SPOCK3: variants seen among roughly 807,000 people sequenced by gnomAD.
The protein encoded by SPOCK3 is testican-3.
SPOCK3 carries 30 observed loss-of-function variants against 56.6 expected under a neutral mutation model. That is an observed-to-expected ratio of 0.53 (90% CI 0.40 to 0.72). The LOEUF (loss-of-function observed/expected upper bound fraction) is 0.72, where lower values mean the gene tolerates loss of function less well. Among genes scored for constraint, SPOCK3 ranks in the 30% least tolerant of loss-of-function variants. SPOCK3 has a pLI of 0.00. For missense variants in SPOCK3, 527 were observed against 530.0 expected (o/e 0.99, Z 0.06); for synonymous variants, 196 against 183.3 (o/e 1.07, Z -0.56).
At chr4:167,138,330 A>AT (rs2150394303) in intron 2 of SPOCK3, among the ~76,000 whole-genome samples, 1 of 151,916 alleles carries the variant, frequency 6.6e-6, no homozygotes. Flanking sequence ...TATTTACTGA[A>AT]TTTTTGTCAC....
At chr4:166,853,306 TA>T (rs1430044531) in intron 6 of SPOCK3, among the ~76,000 whole-genome samples, 2 of 152,206 alleles carry the variant, frequency 1.3e-5, no homozygotes, top group Non-Finnish European at 2.9e-5. Flanking sequence ...TATTTTATTG[TA>T]AGAATAAGTA....
At chr4:167,195,507 C>T (rs1340102160) in intron 2 of SPOCK3, among the ~76,000 whole-genome samples, 1 of 152,140 alleles carries the variant, frequency 6.6e-6, no homozygotes, top group African/African-American at 2.4e-5. Context: ...CATCTGAGGG[C>T]ATAGACAGGC....
At chr4:166,946,094 C>T (rs1019943280) in intron 4 of SPOCK3, among the ~76,000 whole-genome samples, 1 of 151,930 alleles carries the variant, frequency 6.6e-6, no homozygotes, top group Non-Finnish European at 1.5e-5. Flanking sequence ...AACCATAGGC[C>T]CTGTTTATCT....
intron 2 of SPOCK3, among the ~76,000 whole-genome samples, chr4:167,110,778 A>C (rs1158475636): frequency 1.3e-5 from 2 of 152,052 alleles, no homozygotes; most frequent in African/African-American, 4.8e-5. Flanking sequence ...AATATAGTTA[A>C]ATATCTCTAA....
intron 6 of SPOCK3, among the ~76,000 whole-genome samples, chr4:166,839,405 A>G (rs571370088): frequency 1.3e-5 from 2 of 152,266 alleles, no homozygotes; most frequent in Non-Finnish European, 1.5e-5. Flanking sequence ...GGTGGTAGTG[A>G]AAGTCTTGAC....
chr4:166,907,824 A>C (rs1736792964), intron 5 of SPOCK3, among the ~76,000 whole-genome samples: 1 of 152,032 alleles, frequency 6.6e-6, no homozygotes, highest in Admixed American at 6.6e-5. Flanking sequence ...TGTAATAAGA[A>C]AGTATCCCCA....
intron 2 of SPOCK3, among the ~76,000 whole-genome samples, chr4:167,126,147 G>A (rs1762260285): frequency 6.6e-6 from 1 of 152,182 alleles, no homozygotes. Context: ...GCAACAGTCT[G>A]CCCAAACTCT....
chr4:166,978,540 G>A (rs1029369247), intron 4 of SPOCK3, among the ~76,000 whole-genome samples: 17 of 152,164 alleles, frequency 1.1e-4, no homozygotes, highest in Non-Finnish European at 1.5e-5. Context: ...AATACATGGA[G>A]AAAAGGAAGG....
intron 2 of SPOCK3, among the ~76,000 whole-genome samples, chr4:167,136,353 T>C (rs942423251): frequency 2.0e-5 from 3 of 152,146 alleles, no homozygotes; most frequent in Admixed American, 1.3e-4. Flanking sequence ...ATGAATGCTT[T>C]GAAATTTTTT....
intron 3 of SPOCK3, among the ~76,000 whole-genome samples, chr4:167,003,735 C>T (rs943060346): frequency 7.2e-5 from 11 of 152,166 alleles, no homozygotes; most frequent in African/African-American, 2.7e-4. Flanking sequence ...TTTCTTCATC[C>T]TAATCTCTAA....
chr4:166,837,915 A>G (rs574048090), intron 6 of SPOCK3, among the ~76,000 whole-genome samples: 1 of 152,172 alleles, frequency 6.6e-6, no homozygotes, highest in South Asian at 2.1e-4. Flanking sequence ...TGTTCCCTTA[A>G]TTCTTGAAAG....
chr4:167,212,263 G>T (rs1480831787), intron 2 of SPOCK3, among the ~76,000 whole-genome samples: 2 of 151,304 alleles, frequency 1.3e-5, no homozygotes, highest in African/African-American at 4.9e-5. Context: ...TTGAAACAGA[G>T]TTTCTTTCAC....
intron 2 of SPOCK3, among the ~76,000 whole-genome samples, chr4:167,064,188 C>G (rs1191083889): frequency 3.3e-5 from 5 of 151,484 alleles, no homozygotes; most frequent in Non-Finnish European, 7.4e-5. Flanking sequence ...TCTGTAATTG[C>G]ACCCCACCAA....
At chr4:166,966,493 C>CT (rs1021697785) in intron 4 of SPOCK3, among the ~76,000 whole-genome samples, 2 of 152,088 alleles carry the variant, frequency 1.3e-5, no homozygotes, top group Non-Finnish European at 2.9e-5. Context: ...CTTCTGATTT[C>CT]TTTATGCAGA....
chr4:167,108,529 T>TA (rs1159446738), intron 2 of SPOCK3, among the ~76,000 whole-genome samples: 4 of 151,800 alleles, frequency 2.6e-5, no homozygotes, highest in African/African-American at 4.8e-5. Flanking sequence ...TAGAGGTCAT[T>TA]ATGTTAAGTG....
Position 166,789,846 on chromosome 4 carries a change from C to T in SPOCK3, c.709+2324G>A, listed in dbSNP as rs537067335. 3.3e-5 allele frequency among the ~76,000 whole-genome samples: 5 copies of T among 152,142 alleles called. No individual in the cohort carries two copies. In the East Asian group the frequency reaches 7.7e-4, roughly 24 times the overall value. ...TCTTGCTGGTAAAAATGCAAAATGCCGTAAGCTTTTTACAAAGCAGTCTGG... is the reference window on the plus strand; with the variant it reads ...TCTTGCTGGTAAAAATGCAAAATGCTGTAAGCTTTTTACAAAGCAGTCTGG... On this transcript the variant is annotated intron_variant, in intron 7 of 10. Coordinates refer to ENST00000357545, the MANE Select transcript of SPOCK3 (RefSeq NM_001040159.2).
chr4:167,118,866 A>G (rs933302876), intron 2 of SPOCK3, among the ~76,000 whole-genome samples: 4 of 152,130 alleles, frequency 2.6e-5, no homozygotes, highest in Admixed American at 6.6e-5. Flanking sequence ...AAGGGATTTC[A>G]TGTAACCCAT....
At chr4:167,208,622 C>A (rs1423782920) in intron 2 of SPOCK3, among the ~76,000 whole-genome samples, 2 of 151,974 alleles carry the variant, frequency 1.3e-5, no homozygotes, top group African/African-American at 4.8e-5. Flanking sequence ...TATTCCATTA[C>A]TCCTTGTTGA....
chr4:167,034,409 A>G (rs777198143), intron 3 of SPOCK3, among the ~76,000 whole-genome samples: 5 of 151,998 alleles, frequency 3.3e-5, no homozygotes, highest in Non-Finnish European at 7.4e-5. Flanking sequence ...TCGTCCCGGT[A>G]TTTTTCAGTA....
Sources: allele counts gnomAD v4.1 joint callset (sites outside exome capture counted in the v4.1 genomes callset), GRCh38; gene constraint gnomAD v4.1.1; transcripts MANE v1.5; gene names NCBI Gene and HGNC (gene_info 2026-07-23, HGNC 2026-07-21).